MALL: variants seen among roughly 807,000 people sequenced by gnomAD.
MALL encodes MAL-like protein.
Under a neutral mutation model 10.3 loss-of-function variants are expected in MALL, and 2 were observed. That is an observed-to-expected ratio of 0.19 (90% CI 0.08 to 0.61). The LOEUF (loss-of-function observed/expected upper bound fraction) is 0.61. Among genes scored for constraint, MALL ranks in the 20% least tolerant of loss-of-function variants. MALL has a pLI of 0.88. For synonymous variants in MALL, 27 were observed against 51.8 expected (o/e 0.52, Z 2.05); for missense variants, 39 against 115.2 (o/e 0.34, Z 3.03).
At chr2:110,117,973 A>G (rs912226964), upstream of MALL, among the ~76,000 whole-genome samples, 11 of 151,952 alleles carry the variant, frequency 7.2e-5, no homozygotes, top group Admixed American at 7.2e-4. Flanking sequence ...GTGGTCTCTG[A>G]CGCTGGCTGA....
chr2:110,099,581 T>C (rs1678518299), intron 1 of MALL, among the ~76,000 whole-genome samples: 1 of 152,180 alleles, frequency 6.6e-6, no homozygotes, highest in Non-Finnish European at 1.5e-5. Flanking sequence ...GTTCTCTCAT[T>C]ACAAACTGTT....
rs56699112 is a variant in MALL at position 110,107,112 on chromosome 2, G to A, written c.105+8576C>T. Among the ~76,000 whole-genome samples, 927 of 152,200 alleles carry A rather than the reference G, an allele frequency of 6.1e-3. 6 individuals are homozygous for A. The highest frequency in any genetic ancestry group is 0.021 in the African/African-American group (890 of 41,510). On this transcript the variant is annotated intron_variant, in intron 1 of 3. Coordinates refer to ENST00000272462, the MANE Select transcript of MALL (RefSeq NM_005434.5). ...GGGGTGCACCCTGAAAGGGTAGCACGAGGGAGCTCTTTGTGGTGAGTGGCA... is the reference window on the plus strand; with the variant it reads ...GGGGTGCACCCTGAAAGGGTAGCACAAGGGAGCTCTTTGTGGTGAGTGGCA...
chr2:110,097,729 G>T (rs1678477341), intron 1 of MALL: 2 of 305,868 alleles, frequency 6.5e-6, no homozygotes, highest in Non-Finnish European at 1.3e-5. Flanking sequence ...AAGGAGGGAG[G>T]AGTGCCAGGG....
rs553382103 is a variant in MALL, at chr2:110,098,141, G to A, written c.106-6371C>T. 2.8e-4 allele frequency among the ~76,000 whole-genome samples: 43 copies of A among 151,760 alleles called. No homozygotes were observed. In the South Asian group the frequency reaches 3.5e-3, roughly 13 times the overall value. On this transcript the variant is annotated intron_variant, in intron 1 of 3. Coordinates refer to ENST00000272462, the MANE Select transcript of MALL (RefSeq NM_005434.5). ...GGAAAGGATTGTCCCTCGCATTCAC[G>A]TATGCAGAGTGCATGCTGTTTAAGT...
upstream of MALL, among the ~76,000 whole-genome samples, chr2:110,117,602 T>TGTGC (rs1296628701): frequency 7.7e-6 from 1 of 129,378 alleles, no homozygotes; most frequent in Non-Finnish European, 1.7e-5. Flanking sequence ...TGTGTGTGTG[T>TGTGC]GTGTGTGTGT....
chr2:110,092,641 C>T (rs1441522442), intron 1 of MALL, among the ~76,000 whole-genome samples: 1 of 113,162 alleles, frequency 8.8e-6, no homozygotes, highest in East Asian at 2.5e-4. Context: ...ACCAACATGG[C>T]ACATGTATAC....
At chr2:110,112,160 G>C (rs912305006) in intron 1 of MALL, among the ~76,000 whole-genome samples, 4 of 152,142 alleles carry the variant, frequency 2.6e-5, no homozygotes, top group African/African-American at 7.2e-5. Context: ...AACCCTTCTA[G>C]ACATTGGCTT....
intron 1 of MALL, among the ~76,000 whole-genome samples, chr2:110,104,290 G>A (rs552055652): frequency 6.6e-6 from 1 of 152,206 alleles, no homozygotes; most frequent in East Asian, 1.9e-4. Context: ...GCCTTCCAAC[G>A]ACTGTGTCAA....
At chr2:110,101,642 G>C (rs1299421712) in intron 1 of MALL, among the ~76,000 whole-genome samples, 1 of 152,080 alleles carries the variant, frequency 6.6e-6, no homozygotes, top group Non-Finnish European at 1.5e-5. Flanking sequence ...GTGCAGTCTG[G>C]GAGGGGCCCT....
chr2:110,103,647 C>T (rs527348852), intron 1 of MALL, among the ~76,000 whole-genome samples: 209 of 152,300 alleles, frequency 1.4e-3, no homozygotes, highest in African/African-American at 4.7e-3. Flanking sequence ...TCAGACTGCC[C>T]GGGGCCTCTC....
intron 1 of MALL, among the ~76,000 whole-genome samples, chr2:110,099,688 T>A (rs1678520626): frequency 6.6e-6 from 1 of 152,170 alleles, no homozygotes; most frequent in Non-Finnish European, 1.5e-5. Context: ...GGATACATAC[T>A]TGACTTAGTC....
At chr2:110,112,387 G>GA (rs1269012176) in intron 1 of MALL, among the ~76,000 whole-genome samples, 2 of 151,840 alleles carry the variant, frequency 1.3e-5, no homozygotes, top group Non-Finnish European at 1.5e-5. Flanking sequence ...AAATCAGTAA[G>GA]AAAAAAACAA....
At chr2:110,099,286 C>T (rs1678512050) in intron 1 of MALL, among the ~76,000 whole-genome samples, 2 of 152,204 alleles carry the variant, frequency 1.3e-5, no homozygotes, top group African/African-American at 2.4e-5. Flanking sequence ...AATGTGTGTG[C>T]GTGCCTGGCA....
intron 1 of MALL, chr2:110,097,553 C>T (rs1169157977): frequency 2.2e-6 from 1 of 456,374 alleles, no homozygotes; most frequent in Admixed American, 2.3e-5. Context: ...GCTGCAGGGG[C>T]CGGGATCACA....
intron 1 of MALL, among the ~76,000 whole-genome samples, chr2:110,106,112 C>T (rs562009405): frequency 1.3e-5 from 2 of 152,262 alleles, no homozygotes; most frequent in East Asian, 1.9e-4. Flanking sequence ...CTTTCTGAAC[C>T]TCTAGAAATC....
At chr2:110,097,115 G>T (rs1430300782) in intron 1 of MALL, among the ~76,000 whole-genome samples, 1 of 149,854 alleles carries the variant, frequency 6.7e-6, no homozygotes, top group African/African-American at 2.5e-5. Flanking sequence ...AAAAGAGAGA[G>T]AAAATTCTAT....
At chr2:110,117,624 T>TGTGA (rs1292836050), upstream of MALL, among the ~76,000 whole-genome samples, 20 of 122,796 alleles carry the variant, frequency 1.6e-4, 1 homozygote, top group African/African-American at 5.3e-4. Context: ...TGTGTGTGTG[T>TGTGA]GAGAGAGAGA....
At chr2:110,105,115 C>G (rs536189290) in intron 1 of MALL, among the ~76,000 whole-genome samples, 2 of 152,158 alleles carry the variant, frequency 1.3e-5, no homozygotes, top group Non-Finnish European at 2.9e-5. Context: ...GATGAAACTG[C>G]GGCTGAGAGT....
At chr2:110,096,786 C>T (rs1410901671) in intron 1 of MALL, among the ~76,000 whole-genome samples, 5 of 151,646 alleles carry the variant, frequency 3.3e-5, no homozygotes, top group East Asian at 1.9e-4. Context: ...CCCCAGTGTC[C>T]GTCTGCAACC....
Sources: allele counts gnomAD v4.1 joint callset (sites outside exome capture counted in the v4.1 genomes callset), GRCh38; gene constraint gnomAD v4.1.1; transcripts MANE v1.5; gene names NCBI Gene and HGNC (gene_info 2026-07-23, HGNC 2026-07-21).